Variants in CCSAP observed in about 807,000 individuals in gnomAD.
CCSAP encodes the protein centriole, cilia and spindle-associated protein.
A neutral mutation model predicts 25.9 loss-of-function variants in CCSAP; 17 were observed. The ratio of observed to expected loss-of-function variants is 0.66; its 90% CI spans 0.45 to 0.99. The LOEUF (loss-of-function observed/expected upper bound fraction) is 0.99, where lower values mean the gene tolerates loss of function less well. Among genes scored for constraint, CCSAP ranks in the 50% least tolerant of loss-of-function variants. The probability of loss-of-function intolerance (pLI) is 0.00; values close to 1 mark genes in which losing one functional copy is unlikely to be tolerated. For missense variants in CCSAP, 339 were observed against 367.8 expected, an observed-to-expected ratio of 0.92 and a Z score of 0.64; for synonymous variants, 169 against 157.1, an observed-to-expected ratio of 1.08 and a Z score of -0.57.
intron 2 of CCSAP, among the ~76,000 whole-genome samples, chr1:229,332,696 G>A (rs1010119902): frequency 2.6e-5 from 4 of 151,602 alleles, no homozygotes; most frequent in Non-Finnish European, 5.9e-5. Context: ...AACCACACGT[G>A]GTTACTAAAT....
At chr1:229,327,379 TC>T in intron 2 of CCSAP, 1 of 369,386 alleles carries the variant, frequency 2.7e-6, no homozygotes, top group Non-Finnish European at 5.4e-6. Flanking sequence ...CACGGAAAGA[TC>T]TGGATTTGTG....
At chr1:229,341,030 C>T (rs1658318822) in intron 2 of CCSAP, among the ~76,000 whole-genome samples, 1 of 151,974 alleles carries the variant, frequency 6.6e-6, no homozygotes, top group African/African-American at 2.4e-5. Flanking sequence ...CCCGTCTCCA[C>T]TAAAAATACA....
In CCSAP at chr1:229,323,384, C is replaced by T. The variant is rs1215805180; in HGVS notation, c.*1851G>A. On this transcript the variant is annotated 3_prime_UTR_variant, in exon 4 of 4. Transcript: ENST00000284617. ...GTCAGTGTGGGGCCTGCACCACTCT[C>T]TAAGGCCGTCTTTCCTAGATTGTCA... 1 of 152,222 alleles carries T rather than the reference C, an allele frequency of 6.6e-6. No individual in the cohort carries two copies. Among genetic ancestry groups the T allele is most frequent in the Admixed American group, 6.5e-5 (1 of 15,286 alleles). 9.4% of individuals were successfully genotyped at this position (152,222 alleles called of 1,614,324 possible).
intron 3 of CCSAP, 60 bp from the exon 4 acceptor site, chr1:229,325,471 A>T: frequency 6.6e-7 from 1 of 1,519,750 alleles, no homozygotes; most frequent in Non-Finnish European, 8.9e-7. Context: ...AATGTTCAAC[A>T]GAGGTTGCAA....
intron 2 of CCSAP, among the ~76,000 whole-genome samples, chr1:229,331,585 C>A (rs1658066218): frequency 6.6e-6 from 1 of 152,018 alleles, no homozygotes; most frequent in South Asian, 2.1e-4. Context: ...TGTGTTAAAC[C>A]TCAGGGGCAG....
intron 2 of CCSAP, chr1:229,327,444 T>C (rs1657965881): frequency 4.6e-6 from 2 of 436,850 alleles, no homozygotes; most frequent in Admixed American, 2.5e-5. Context: ...CACCCGAAAA[T>C]GCTCCTTAGT....
rs929827681 is a variant in CCSAP at position 229,322,103 on chromosome 1, G to A, written c.*3132C>T. 2.6e-5 allele frequency: 4 copies of A among 152,170 alleles called. No individual in the cohort carries two copies. Among genetic ancestry groups the A allele is most frequent in the African/African-American group, 4.8e-5 (2 of 41,440 alleles). 9.4% of individuals were successfully genotyped at this position (152,170 alleles called of 1,614,324 possible). A position where few individuals can be genotyped will look rare whatever the true frequency, so the allele number is the denominator to read the frequency against. On this transcript the variant is annotated 3_prime_UTR_variant, in exon 4 of 4. Coordinates refer to ENST00000284617, the MANE Select transcript of CCSAP (RefSeq NM_145257.5). ...ATCCTAAGGGAGGCCTGGAACCAAT[G>A]CCCCATGGATACTGAGAGGCGACTG... is the stretch of plus-strand genomic sequence containing the variant.
At chr1:229,332,137 C>T (rs1251464702) in intron 2 of CCSAP, among the ~76,000 whole-genome samples, 2 of 152,164 alleles carry the variant, frequency 1.3e-5, no homozygotes. Flanking sequence ...GCCACTGCGC[C>T]CGGCCTCTAG....
chr1:229,326,778 T>C lies in CCSAP; in HGVS notation c.596A>G (p.Gln199Arg), dbSNP rs904362815. Reference sequence around the variant, plus strand: ...GGACGCACAGACGTTGTGAGTCTTCTGGCTTCCTGTATCGGTCTGTTTTTC... The same window carrying C: ...GGACGCACAGACGTTGTGAGTCTTCCGGCTTCCTGTATCGGTCTGTTTTTC... ...WGEKQTDTGS[Q>R]KTHNVCASAP... The change falls in exon 3 of 4, where the codon CAG becomes CGG. Residue 199 changes from glutamine (Q) to arginine (R), a missense_variant. Gln to Arg is a conservative substitution (Grantham distance 43). Coordinates refer to ENST00000284617, the MANE Select transcript of CCSAP (RefSeq NM_145257.5). The C allele has an allele frequency of 2.5e-5, 40 of 1,614,260 alleles. No individual in the cohort carries two copies. Among genetic ancestry groups the C allele is most frequent in the Non-Finnish European group, 3.4e-5 (40 of 1,180,054 alleles).
chr1:229,333,667 C>T (rs1381176781), intron 2 of CCSAP, among the ~76,000 whole-genome samples: 1 of 151,942 alleles, frequency 6.6e-6, no homozygotes, highest in Non-Finnish European at 1.5e-5. Context: ...ATAGCCTGAA[C>T]TCAGGAGTTC....
At chr1:229,340,588 C>T in intron 2 of CCSAP, 2 of 590,164 alleles carry the variant, frequency 3.4e-6, no homozygotes, top group South Asian at 4.5e-5. Flanking sequence ...ATCTGGAAGG[C>T]ATGTTCCCTA....
At chr1:229,326,624 C>G (rs1178985472) in intron 3 of CCSAP, 114 bp downstream of exon 3, 29 of 1,259,232 alleles carry the variant, frequency 2.3e-5, no homozygotes, top group Admixed American at 4.2e-5. Context: ...CCCCTAAGAT[C>G]TCCCATGGGC....
At position 229,325,406 on chromosome 1, in the gene CCSAP, A is replaced by G; in HGVS notation, c.642T>C (p.His214=). 6.2e-7 allele frequency: 1 copy of G among 1,612,688 alleles called. No homozygotes were observed. The highest frequency in any genetic ancestry group is 8.5e-7 in the Non-Finnish European group (1 of 1,179,658). ...VCASAPVHEI[H]ESALRAKNRR... is the part of the protein sequence containing the mutation. ...TGTTCTTGGCTCGTAATGCTGATTCATGAATCTAAAGAGAGTTCAAAATAA... is the reference window on the plus strand; with the variant it reads ...TGTTCTTGGCTCGTAATGCTGATTCGTGAATCTAAAGAGAGTTCAAAATAA... Residue 214 remains histidine, a synonymous_variant, in exon 4 of 4, where the codon CAT becomes CAC. Transcript: ENST00000284617.
intron 2 of CCSAP, among the ~76,000 whole-genome samples, chr1:229,333,376 T>C (rs974799053): frequency 4.4e-5 from 6 of 135,132 alleles, no homozygotes; most frequent in African/African-American, 1.7e-4. Context: ...GAGCTTGCAG[T>C]GAGCCGAGAT....
chr1:229,331,134 T>C (rs571776536), intron 2 of CCSAP, among the ~76,000 whole-genome samples: 48 of 152,078 alleles, frequency 3.2e-4, no homozygotes, highest in Non-Finnish European at 1.8e-4. Flanking sequence ...ACACAAAAAC[T>C]AAAATCTTCT....
At chr1:229,326,194 A>C (rs1657937295) in intron 3 of CCSAP, among the ~76,000 whole-genome samples, 1 of 152,236 alleles carries the variant, frequency 6.6e-6, no homozygotes, top group Non-Finnish European at 1.5e-5. Context: ...GGGAGGACTA[A>C]AGCTCCTGAG....
rs951392606 is a variant in CCSAP, at chr1:229,322,685, C to T, written c.*2550G>A. On this transcript the variant is annotated 3_prime_UTR_variant, in exon 4 of 4. Coordinates refer to ENST00000284617, the MANE Select transcript of CCSAP (RefSeq NM_145257.5). ...TAAGGGCAGTTAAAAGACAAAGAAT[C>T]GATTCCTGTTCACTTCTCCTCCCGC... The T allele has an allele frequency of 5.9e-5, 9 of 152,088 alleles. No individual in the cohort carries two copies. The East Asian group carries it at 1.2e-3, about 19-fold the overall frequency. 9.4% of individuals were successfully genotyped at this position (152,088 alleles called of 1,614,324 possible).
At chr1:229,325,501 G>A (rs1657919810) in intron 3 of CCSAP, 90 bp from the exon 4 acceptor site, 1 of 1,213,868 alleles carries the variant, frequency 8.2e-7, no homozygotes. Flanking sequence ...CTACTGCCAG[G>A]TCAACTGCAG....
At position 229,325,066 on chromosome 1, in the gene CCSAP, T is replaced by G. The variant is rs1571848780; in HGVS notation, c.*169A>C. On this transcript the variant is annotated 3_prime_UTR_variant, in exon 4 of 4. Transcript: ENST00000284617. ...CTGTCTGCCCTACTGCCGAGGTAGG[T>G]GACCAATATTCATCAAAATAAAACA... is the stretch of plus-strand genomic sequence containing the variant. 1.7e-6 allele frequency: 1 copy of G among 580,146 alleles called. No homozygotes were observed. Among genetic ancestry groups the G allele is most frequent in the Admixed American group, 3.6e-5 (1 of 27,446 alleles). The allele number at this position is 580,146 out of a possible 1,614,324, so 35.9% of individuals were successfully genotyped here.
Sources: allele counts gnomAD v4.1 joint callset (sites outside exome capture counted in the v4.1 genomes callset), GRCh38; gene constraint gnomAD v4.1.1; transcripts MANE v1.5; gene names NCBI Gene and HGNC (gene_info 2026-07-23, HGNC 2026-07-21).